Variants in FAM83B observed in about 807,000 individuals in gnomAD.
FAM83B encodes protein FAM83B.
Under a neutral mutation model 38.8 loss-of-function variants are expected in FAM83B, and 26 were observed. The ratio of observed to expected loss-of-function variants is 0.67; its 90% CI spans 0.49 to 0.93. FAM83B has a LOEUF of 0.93. Ranked by LOEUF, FAM83B falls within the 40% of genes least tolerant of loss-of-function variation. The pLI is 0.00. For missense variants in FAM83B, 1,237 were observed against 1,197.3 expected (o/e 1.03, Z -0.49); for synonymous variants, 419 against 423.1 (o/e 0.99, Z 0.12).
At chr6:54,860,957 C>T (rs1771568872) in intron 1 of FAM83B, among the ~76,000 whole-genome samples, 2 of 152,168 alleles carry the variant, frequency 1.3e-5, no homozygotes, top group Non-Finnish European at 1.5e-5. Context: ...CTCTCCAGGA[C>T]TTGAGGATAT....
At chr6:54,927,205 AT>A (rs1328912584) in intron 3 of FAM83B, among the ~76,000 whole-genome samples, 4 of 152,096 alleles carry the variant, frequency 2.6e-5, no homozygotes, top group African/African-American at 9.7e-5. Context: ...AGGAAGGTTA[AT>A]TTTAATTTTA....
chr6:54,917,801 T>C (rs896641414), intron 2 of FAM83B, among the ~76,000 whole-genome samples: 7 of 152,196 alleles, frequency 4.6e-5, no homozygotes, highest in Non-Finnish European at 1.0e-4. Context: ...TTTTAATGCA[T>C]GGCTTAAAAA....
intron 2 of FAM83B, among the ~76,000 whole-genome samples, chr6:54,922,617 T>G (rs1272136963): frequency 6.6e-6 from 1 of 152,042 alleles, no homozygotes; most frequent in Non-Finnish European, 1.5e-5. Flanking sequence ...AGAAAAAGGT[T>G]GTGGGAAGCT....
intron 2 of FAM83B, among the ~76,000 whole-genome samples, chr6:54,880,767 G>A (rs1053815197): frequency 6.6e-6 from 1 of 151,888 alleles, no homozygotes; most frequent in South Asian, 2.1e-4. Flanking sequence ...TATTATTAGG[G>A]TACATACATT....
At position 54,940,640 on chromosome 6, in the gene FAM83B, A is replaced by C; in HGVS notation, c.1669A>C (p.Asn557His). The change falls in exon 5 of 5, where the codon AAC becomes CAC. Residue 557 changes from asparagine (N) to histidine (H), a missense_variant. Transcript: ENST00000306858. Reference protein sequence around the residue: ...KPTLPEQKEVNSCTTGSSNST... With the variant: ...KPTLPEQKEVHSCTTGSSNST... ...CACTTTACCTGAGCAAAAGGAAGTT[A>C]ACAGTTGTACAACTGGCTCCTCAAA... 1 of 1,614,028 alleles carries C rather than the reference A, an allele frequency of 6.2e-7. No individual in the cohort carries two copies. Among genetic ancestry groups the C allele is most frequent in the South Asian group, 1.1e-5 (1 of 91,078 alleles).
intron 2 of FAM83B, among the ~76,000 whole-genome samples, chr6:54,921,252 T>C (rs1174709343): frequency 6.6e-6 from 1 of 151,942 alleles, no homozygotes; most frequent in African/African-American, 2.4e-5. Context: ...TTCCCGTGTA[T>C]TACTTAACAC....
rs138135844 is a variant in FAM83B at position 54,910,682 on chromosome 6, T to G, written c.445-15689T>G. On this transcript the variant is annotated intron_variant, in intron 2 of 4. Coordinates refer to ENST00000306858, the MANE Select transcript of FAM83B (RefSeq NM_001010872.3). Reference sequence around the variant, plus strand: ...GCCATGCTCACACTTCAGTAAATAGTCTTTTCATAAATGTCTCATTTTCGT... The same window carrying G: ...GCCATGCTCACACTTCAGTAAATAGGCTTTTCATAAATGTCTCATTTTCGT... 6.0e-3 allele frequency among the ~76,000 whole-genome samples: 916 copies of G among 152,342 alleles called. 10 individuals are homozygous for G. The highest frequency in any genetic ancestry group is 0.02 in the African/African-American group (819 of 41,578).
At position 54,941,681 on chromosome 6, in the gene FAM83B, G is replaced by A. The variant is rs762383864; in HGVS notation, c.2710G>A (p.Ala904Thr). Residue 904 changes from alanine to threonine, a missense_variant, in exon 5 of 5, where the codon GCA (alanine) becomes ACA (threonine). Ala to Thr is a moderately conservative substitution (Grantham distance 58). Transcript: ENST00000306858. ...IQYRDSREIN[A>T]VVTPERRPTS... ...ATACCGAGATTCAAGGGAGATTAAT[G>A]CAGTTGTTACCCCTGAAAGAAGACC... The A allele has an allele frequency of 5.0e-6, 8 of 1,614,072 alleles. No individual in the cohort carries two copies. The highest frequency in any genetic ancestry group is 5.9e-6 in the Non-Finnish European group (7 of 1,179,988).
intron 2 of FAM83B, among the ~76,000 whole-genome samples, chr6:54,917,671 A>G (rs1260422072): frequency 6.6e-6 from 1 of 152,184 alleles, no homozygotes; most frequent in Non-Finnish European, 1.5e-5. Context: ...CATTTTCTCC[A>G]TAATAAGTTT....
intron 2 of FAM83B, among the ~76,000 whole-genome samples, chr6:54,878,669 G>A (rs1418129380): frequency 6.6e-6 from 1 of 152,154 alleles, no homozygotes; most frequent in Non-Finnish European, 1.5e-5. Context: ...AAACATGGAG[G>A]CTAGATCTTG....
intron 2 of FAM83B, among the ~76,000 whole-genome samples, chr6:54,890,953 A>G (rs2127580285): frequency 6.7e-6 from 1 of 149,482 alleles, no homozygotes; most frequent in South Asian, 2.1e-4. Flanking sequence ...TTCTTCAGAG[A>G]GAAAAAAAAA....
At chr6:54,911,567 C>A (rs1396303733) in intron 2 of FAM83B, among the ~76,000 whole-genome samples, 4 of 151,996 alleles carry the variant, frequency 2.6e-5, no homozygotes, top group Non-Finnish European at 4.4e-5. Context: ...ATACTTTGGG[C>A]CCCTTCTTAG....
chr6:54,900,657 A>C (rs239843), intron 2 of FAM83B, among the ~76,000 whole-genome samples: 30,368 of 152,198 alleles, frequency 0.2, 3,451 homozygotes, highest in African/African-American at 0.31. Context: ...AGTATGTGTC[A>C]GTGACAATAT....
intron 1 of FAM83B, among the ~76,000 whole-genome samples, chr6:54,869,677 A>G (rs1019087040): frequency 6.6e-6 from 1 of 152,138 alleles, no homozygotes; most frequent in African/African-American, 2.4e-5. Context: ...CATTTGCTCC[A>G]TATTGATCTC....
chr6:54,872,214 T>C (rs1771873768), intron 2 of FAM83B, among the ~76,000 whole-genome samples: 1 of 152,218 alleles, frequency 6.6e-6, no homozygotes. Context: ...AGGCTCACTG[T>C]AAGTGACCAA....
intron 2 of FAM83B, among the ~76,000 whole-genome samples, chr6:54,897,643 T>TA (rs1772570293): frequency 1.3e-5 from 2 of 152,178 alleles, no homozygotes; most frequent in African/African-American, 4.8e-5. Context: ...TGGAATTTCT[T>TA]AGTCATTTTC....
chr6:54,895,570 A>G (rs747861596), intron 2 of FAM83B, among the ~76,000 whole-genome samples: 1 of 152,212 alleles, frequency 6.6e-6, no homozygotes, highest in Non-Finnish European at 1.5e-5. Flanking sequence ...ATACACATTT[A>G]CATATCAAGC....
At chr6:54,847,325 T>G (rs1213143984) in intron 1 of FAM83B, among the ~76,000 whole-genome samples, 1 of 152,030 alleles carries the variant, frequency 6.6e-6, no homozygotes, top group African/African-American at 2.4e-5. Flanking sequence ...GGGGCGTGGG[T>G]GTTCTTTAGA....
intron 4 of FAM83B, among the ~76,000 whole-genome samples, chr6:54,935,975 A>C (rs1486445187): frequency 6.6e-6 from 1 of 152,098 alleles, no homozygotes; most frequent in Non-Finnish European, 1.5e-5. Flanking sequence ...TGAGTCATAC[A>C]TGTGAGGCTT....
Sources: gnomAD v4.1 joint callset for allele counts (sites outside exome capture counted in the v4.1 genomes callset) on GRCh38, gnomAD v4.1.1 for gene constraint, MANE v1.5 for transcripts, NCBI Gene and HGNC (gene_info 2026-07-23, HGNC 2026-07-21) for gene names.